Variants in GTPBP1 observed in about 807,000 individuals in gnomAD.
GTPBP1 encodes GTP binding protein 1.
In GTPBP1, 23 loss-of-function variants were observed where a neutral mutation model predicts 62.0. That is an observed-to-expected ratio of 0.37 (90% confidence interval 0.27 to 0.53). GTPBP1 has a LOEUF of 0.53. Among genes scored for constraint, GTPBP1 ranks in the 20% least tolerant of loss-of-function variants. The pLI, the probability that GTPBP1 is intolerant of heterozygous loss-of-function variation, is 0.89. For synonymous variants in GTPBP1, 344 were observed against 364.4 expected, an observed-to-expected ratio of 0.94 and a Z score of 0.64; for missense variants, 640 against 917.3, an observed-to-expected ratio of 0.70 and a Z score of 3.90.
downstream of GTPBP1, chr22:38,736,155 G>A: frequency 4.8e-6 from 5 of 1,042,354 alleles, no homozygotes; most frequent in Non-Finnish European, 7.4e-6. Flanking sequence ...GGGGCCACAG[G>A]CTCCTCTCTT....
chr22:38,741,313 G>T (rs2092855667), downstream of GTPBP1, among the ~76,000 whole-genome samples: 1 of 152,160 alleles, frequency 6.6e-6, no homozygotes, highest in South Asian at 2.1e-4. Context: ...ACACCCCAGG[G>T]AGCCCCTGCA....
At position 38,716,648 on chromosome 22, in the gene GTPBP1, G is replaced by A. The variant is rs570914390; in HGVS notation, c.486-4G>A. On this transcript the variant is annotated splice_polypyrimidine_tract_variant and splice_region_variant and intron_variant, in intron 3 of 11. Coordinates refer to ENST00000216044, the MANE Select transcript of GTPBP1 (RefSeq NM_004286.5). This position sits in a 1 kb window ranked among gnomAD's most constrained non-coding sequence, Gnocchi z 5.2. ...CATAGATGTATGGGTTCATCTACAC[G>A]CAGGGTAGCAGTGGTGGGCAACGTG... is the stretch of plus-strand genomic sequence containing the variant. The A allele has an allele frequency of 5.6e-6, 9 of 1,604,750 alleles. No homozygotes were observed. Among genetic ancestry groups the A allele is most frequent in the Admixed American group, 3.4e-5 (2 of 59,160 alleles).
rs139761310 is a variant in GTPBP1 at position 38,719,195 on chromosome 22, C to T, written c.834+2195C>T. ...TAATTTTTAGTATTTTTAGTAGAGA[C>T]GAGGTTTCACTATGTTGGCTAGGCT... On this transcript the variant is annotated intron_variant, in intron 4 of 11. Transcript: ENST00000216044. 9.8e-3 allele frequency among the ~76,000 whole-genome samples: 1,486 copies of T among 152,116 alleles called. 31 individuals are homozygous for T. The highest frequency in any genetic ancestry group is 0.035 in the African/African-American group (1,446 of 41,490).
At chr22:38,724,898 A>G (rs144896330) in intron 6 of GTPBP1, among the ~76,000 whole-genome samples, 16 of 152,318 alleles carry the variant, frequency 1.1e-4, no homozygotes, top group African/African-American at 2.9e-4. Context: ...CTTTCATTCC[A>G]TAAATATTTA....
At chr22:38,719,023 T>G (rs2092685681) in intron 4 of GTPBP1, among the ~76,000 whole-genome samples, 1 of 152,194 alleles carries the variant, frequency 6.6e-6, no homozygotes, top group Non-Finnish European at 1.5e-5. Context: ...ATTTTTTTTT[T>G]GAGATGGAGT....
chr22:38,739,337 C>A (rs373767572), downstream of GTPBP1: 9 of 1,612,906 alleles, frequency 5.6e-6, no homozygotes, highest in Non-Finnish European at 6.8e-6. This position sits in a 1 kb window ranked among gnomAD's most constrained non-coding sequence, Gnocchi z 6.7. Context: ...AAGCAGAGCA[C>A]GTACCTCCTG....
intron 2 of GTPBP1, among the ~76,000 whole-genome samples, chr22:38,713,124 G>T (rs1340931377): frequency 2.0e-5 from 3 of 152,130 alleles, no homozygotes; most frequent in African/African-American, 7.2e-5. Flanking sequence ...GAGGAGGTGC[G>T]CTGTTGGGCT....
At chr22:38,740,288 C>A, downstream of GTPBP1, 2 of 1,600,904 alleles carry the variant, frequency 1.2e-6, no homozygotes, top group East Asian at 2.2e-5. This position sits in a 1 kb window ranked among gnomAD's most constrained non-coding sequence, Gnocchi z 4.8. Flanking sequence ...CGGCCTGGAT[C>A]TGCTGGGGCA....
In GTPBP1 at chr22:38,726,580, A is replaced by G; in HGVS notation, c.1401+140A>G. On this transcript the variant is annotated intron_variant, in intron 8 of 11. Transcript: ENST00000216044. This position sits in a 1 kb window ranked among gnomAD's most constrained non-coding sequence, Gnocchi z 4.1. Reference sequence around the variant, plus strand: ...TGGCTTCATTTTTACAGATGAGGAAACTGAGGCTCAGAGCCCAGGGACTTG... The same window carrying G: ...TGGCTTCATTTTTACAGATGAGGAAGCTGAGGCTCAGAGCCCAGGGACTTG... 4.2e-6 allele frequency: 3 copies of G among 719,772 alleles called. No homozygotes were observed. The highest frequency in any genetic ancestry group is 2.3e-6 in the Non-Finnish European group (1 of 433,504). The allele number at this position is 719,772 out of a possible 1,614,324, so 44.6% of individuals were successfully genotyped here. A position where few individuals can be genotyped will look rare whatever the true frequency, so the allele number is the denominator to read the frequency against.
chr22:38,732,423 G>C lies in GTPBP1; in HGVS notation c.*1719G>C, dbSNP rs1308909621. On this transcript the variant is annotated 3_prime_UTR_variant, in exon 12 of 12. Coordinates refer to ENST00000216044, the MANE Select transcript of GTPBP1 (RefSeq NM_004286.5). ...GGCTCCCTCACCAGCTGGTGACACG[G>C]GACAAGCTTACAAACCTTCTCTGAA... 1 of 152,328 alleles carries C rather than the reference G, an allele frequency of 6.6e-6. No individual in the cohort carries two copies. Among genetic ancestry groups the C allele is most frequent in the Non-Finnish European group, 1.5e-5 (1 of 68,076 alleles). The allele number at this position is 152,328 out of a possible 1,614,324, so 9.4% of individuals were successfully genotyped here.
intron 4 of GTPBP1, 58 bp downstream of exon 4, chr22:38,717,058 A>G: frequency 9.5e-7 from 1 of 1,054,268 alleles, no homozygotes; most frequent in Admixed American, 1.8e-5. Flanking sequence ...GGGTCTGGTT[A>G]TGTGCAAGTC....
intron 6 of GTPBP1, 66 bp downstream of exon 6, chr22:38,724,477 G>A: frequency 1.1e-6 from 1 of 887,984 alleles, no homozygotes; most frequent in South Asian, 1.3e-5. Context: ...TGAGTGATGG[G>A]CCTGGAATGG....
chr22:38,714,668 G>C (rs1400699492), intron 2 of GTPBP1, among the ~76,000 whole-genome samples: 1 of 152,122 alleles, frequency 6.6e-6, no homozygotes, highest in Non-Finnish European at 1.5e-5. Flanking sequence ...GCAAGGGAAG[G>C]GGGGTGGTTT....
downstream of GTPBP1, chr22:38,738,832 T>C (rs888550438): frequency 2.5e-6 from 4 of 1,595,744 alleles, no homozygotes; most frequent in Non-Finnish European, 2.6e-6. The surrounding 1 kb of genome is among the most constrained non-coding windows in gnomAD (Gnocchi z 6.6). Context: ...CAGCCCTCAG[T>C]GTGCTCAGAG....
At chr22:38,724,968 A>G (rs1409707322) in intron 6 of GTPBP1, among the ~76,000 whole-genome samples, 1 of 152,194 alleles carries the variant, frequency 6.6e-6, no homozygotes, top group Non-Finnish European at 1.5e-5. Flanking sequence ...GTTGAATTGA[A>G]CACAATCCTT....
chr22:38,724,539 C>T (rs1244073775), intron 6 of GTPBP1, 128 bp downstream of exon 6: 1 of 620,194 alleles, frequency 1.6e-6, no homozygotes, highest in Admixed American at 2.6e-5. Context: ...ACACCTCTCC[C>T]TATTCAGAGA....
Position 38,730,287 on chromosome 22 carries a change from A to G in GTPBP1, c.1918-325A>G, listed in dbSNP as rs987369010. Among the ~76,000 whole-genome samples the G allele has an allele frequency of 2.0e-5, 3 of 152,100 alleles. No homozygotes were observed. Among genetic ancestry groups the G allele is most frequent in the African/African-American group, 7.2e-5 (3 of 41,410 alleles). Reference sequence around the variant, plus strand: ...CTGTCCATTCTGTTATCTGTCTCCCATGGGTCTTTCCTCTGGTTCGTTCGC... The same window carrying G: ...CTGTCCATTCTGTTATCTGTCTCCCGTGGGTCTTTCCTCTGGTTCGTTCGC... On this transcript the variant is annotated intron_variant, in intron 11 of 11. Transcript: ENST00000216044. The surrounding 1 kb of genome is among the most constrained non-coding windows in gnomAD (Gnocchi z 5.6).
rs781472759 is a variant in GTPBP1 at position 38,730,639 on chromosome 22, C to T, written c.1945C>T (p.Arg649Ter). 3.7e-6 allele frequency: 6 copies of T among 1,605,900 alleles called. No homozygotes were observed. The highest frequency in any genetic ancestry group is 1.1e-5 in the South Asian group (1 of 91,046). Reference sequence around the variant, plus strand: ...TAAGCCCAGCAGTGGAGGCCGGCGACGAGGGGGCCAGCGCCACAAGGTGAA... The same window carrying T: ...TAAGCCCAGCAGTGGAGGCCGGCGATGAGGGGGCCAGCGCCACAAGGTGAA... Reference protein sequence around the residue: ...QPKPSSGGRRRGGQRHKVKSQ... With the variant: ...QPKPSSGGRR The change falls in exon 12 of 12, where the codon CGA (arginine) becomes TGA (stop). Residue 649 changes from arginine to a stop codon, truncating the protein, a stop_gained. Transcript: ENST00000216044. LOFTEE classifies it high-confidence loss of function. The surrounding 1 kb of genome is among the most constrained non-coding windows in gnomAD (Gnocchi z 5.6).
At chr22:38,707,690 G>T (rs145629379) in intron 1 of GTPBP1, among the ~76,000 whole-genome samples, 1 of 152,116 alleles carries the variant, frequency 6.6e-6, no homozygotes, top group Non-Finnish European at 1.5e-5. Context: ...TTGCAAAGAC[G>T]GTAGTACCTT....
Sources: allele counts gnomAD v4.1 joint callset (sites outside exome capture counted in the v4.1 genomes callset), GRCh38; gene constraint gnomAD v4.1.1; non-coding constraint Gnocchi (gnomAD v3.1); transcripts MANE v1.5; gene names NCBI Gene and HGNC (gene_info 2026-07-23, HGNC 2026-07-21).